Variants in ASIC2 observed in about 807,000 individuals in gnomAD.
ASIC2 encodes acid sensing ion channel subunit 2, also known as acid-sensing ion channel 2.
ASIC2 carries 25 observed loss-of-function variants against 57.3 expected under a neutral mutation model. The observed-to-expected ratio is 0.44, with a 90% CI of 0.32 to 0.61. The LOEUF (loss-of-function observed/expected upper bound fraction) is 0.61, where lower values mean the gene tolerates loss of function less well. Ranked by LOEUF, ASIC2 falls within the 20% of genes least tolerant of loss-of-function variation. The pLI is 0.06. For synonymous variants in ASIC2, 319 were observed against 307.5 expected (o/e 1.04, Z -0.39); for missense variants, 641 against 738.1 (o/e 0.87, Z 1.52).
chr17:33,343,587 G>A (rs1907821387), intron 1 of ASIC2, among the ~76,000 whole-genome samples: 1 of 152,124 alleles, frequency 6.6e-6, no homozygotes, highest in South Asian at 2.1e-4. Flanking sequence ...TCGCTTGTAT[G>A]TACTCAAGCC....
chr17:33,663,427 T>G (rs1372016258), intron 1 of ASIC2, among the ~76,000 whole-genome samples: 1 of 151,698 alleles, frequency 6.6e-6, no homozygotes, highest in Non-Finnish European at 1.5e-5. Flanking sequence ...GCTCATTGAA[T>G]GTAACTGAGG....
chr17:33,711,110 T>C (rs768836553), intron 1 of ASIC2, among the ~76,000 whole-genome samples: 22 of 152,036 alleles, frequency 1.4e-4, no homozygotes, highest in Admixed American at 4.6e-4. Flanking sequence ...GCCAACACAG[T>C]ACAGTGCTGG....
intron 1 of ASIC2, among the ~76,000 whole-genome samples, chr17:33,334,391 G>C: frequency 6.6e-6 from 1 of 152,306 alleles, no homozygotes; most frequent in South Asian, 2.1e-4. Context: ...TGTCCATTGT[G>C]TGACACTGTT....
At chr17:33,016,723 C>A (rs2091807759) in intron 8 of ASIC2, among the ~76,000 whole-genome samples, 1 of 152,030 alleles carries the variant, frequency 6.6e-6, no homozygotes, top group Admixed American at 6.5e-5. Context: ...TGAACAGCCC[C>A]CTCCGAGAGA....
chr17:33,224,519 A>G (rs754592747), intron 1 of ASIC2, among the ~76,000 whole-genome samples: 1 of 152,222 alleles, frequency 6.6e-6, no homozygotes, highest in Non-Finnish European at 1.5e-5. Flanking sequence ...AGAGAGCAAG[A>G]ATACGGATCT....
At chr17:34,027,872 G>T (rs1907437098) in intron 1 of ASIC2, among the ~76,000 whole-genome samples, 1 of 152,124 alleles carries the variant, frequency 6.6e-6, no homozygotes, top group Non-Finnish European at 1.5e-5. Flanking sequence ...TTATTGATTG[G>T]ATTTTTGAAA....
rs557696669 is a variant in ASIC2, at chr17:33,720,384, A to G, written c.555+435594T>C. The stretch of plus-strand genomic sequence containing the variant: ...ACAGTTTCCAAATACTTTAATATTC[A>G]CCATATCATTTTATTCACAGACTAC... On this transcript the variant is annotated intron_variant, in intron 1 of 9. Transcript: ENST00000359872. 8.2e-4 allele frequency among the ~76,000 whole-genome samples: 125 copies of G among 152,336 alleles called. 1 individual carries two copies. The highest frequency in any genetic ancestry group is 3.4e-3 in the Middle Eastern group (1 of 294).
At chr17:33,130,951 G>C (rs759913964) in intron 1 of ASIC2, among the ~76,000 whole-genome samples, 1 of 152,200 alleles carries the variant, frequency 6.6e-6, no homozygotes, top group African/African-American at 2.4e-5. Context: ...CTGCTTATCA[G>C]CTGTGTGTGT....
chr17:33,579,471 A>T (rs969835946), intron 1 of ASIC2, among the ~76,000 whole-genome samples: 2 of 152,022 alleles, frequency 1.3e-5, no homozygotes, highest in African/African-American at 2.4e-5. Flanking sequence ...TTCATTCAAC[A>T]TTCATTGAGA....
chr17:33,730,044 G>A (rs1909691086), intron 1 of ASIC2, among the ~76,000 whole-genome samples: 1 of 152,128 alleles, frequency 6.6e-6, no homozygotes, highest in Non-Finnish European at 1.5e-5. Flanking sequence ...TATATTAAGG[G>A]ACATTCGGTG....
chr17:33,861,052 A>G (rs1306307264), intron 1 of ASIC2, among the ~76,000 whole-genome samples: 1 of 152,232 alleles, frequency 6.6e-6, no homozygotes, highest in Admixed American at 6.5e-5. Flanking sequence ...TCTGAAAACT[A>G]TTCTTTTTTA....
intron 1 of ASIC2, among the ~76,000 whole-genome samples, chr17:34,125,891 G>A (rs566375289): frequency 6.6e-6 from 1 of 152,324 alleles, no homozygotes; most frequent in East Asian, 1.9e-4. Context: ...AGAGCAGCCA[G>A]AGGGCAGGGA....
At chr17:33,500,184 C>T (rs532081185) in intron 1 of ASIC2, among the ~76,000 whole-genome samples, 5 of 152,162 alleles carry the variant, frequency 3.3e-5, no homozygotes, top group Non-Finnish European at 5.9e-5. Flanking sequence ...GGAATACATT[C>T]GGCTGGCACA....
chr17:33,235,240 C>T (rs1230140136), intron 1 of ASIC2, among the ~76,000 whole-genome samples: 1 of 152,188 alleles, frequency 6.6e-6, no homozygotes, highest in Non-Finnish European at 1.5e-5. Context: ...CAGTGTGCAC[C>T]TTCTCCCTCC....
intron 1 of ASIC2, among the ~76,000 whole-genome samples, chr17:33,443,220 G>C (rs1911885725): frequency 6.6e-6 from 1 of 152,054 alleles, no homozygotes; most frequent in African/African-American, 2.4e-5. Context: ...AGGTTTCCTT[G>C]CTTGTGATGT....
chr17:33,167,278 G>A (rs1464720308), intron 1 of ASIC2, among the ~76,000 whole-genome samples: 1 of 152,106 alleles, frequency 6.6e-6, no homozygotes, highest in Non-Finnish European at 1.5e-5. Flanking sequence ...CAAGTTGTGA[G>A]CCAGCCATGA....
In ASIC2 at chr17:33,432,987, G is replaced by A. The variant is rs144853564; in HGVS notation, c.556-320920C>T. 3.3e-5 allele frequency among the ~76,000 whole-genome samples: 5 copies of A among 152,248 alleles called. 1 individual carries two copies. Among genetic ancestry groups the A allele is most frequent in the East Asian group, 1.9e-4 (1 of 5,178 alleles). ...AACTAGCTCAACCATTGTGGAAAAC[G>A]GTGTGGTGATTCCTCAAAGACCTAA... On this transcript the variant is annotated intron_variant, in intron 1 of 9. Coordinates refer to the ASIC2 transcript ENST00000359872.
chr17:34,125,794 G>A (rs1387883793), intron 1 of ASIC2, among the ~76,000 whole-genome samples: 1 of 152,234 alleles, frequency 6.6e-6, no homozygotes, highest in East Asian at 1.9e-4. Flanking sequence ...CAATACCACA[G>A]CCGCTAAGAC....
chr17:33,278,756 TA>T (rs1025559849), intron 1 of ASIC2, among the ~76,000 whole-genome samples: 12 of 152,080 alleles, frequency 7.9e-5, no homozygotes, highest in South Asian at 2.1e-4. Flanking sequence ...AGTCCACATA[TA>T]TTTTTTTTTT....
Sources: allele counts gnomAD v4.1 joint callset (sites outside exome capture counted in the v4.1 genomes callset), GRCh38; gene constraint gnomAD v4.1.1; transcripts MANE v1.5; gene names NCBI Gene and HGNC (gene_info 2026-07-23, HGNC 2026-07-21).